The following CDKL2 variants were observed in gnomAD, a reference collection of about 807,000 sequenced individuals.
CDKL2 encodes the protein cyclin dependent kinase like 2, also known as cyclin-dependent kinase-like 2.
CDKL2 carries 64 observed loss-of-function variants against 63.9 expected under a neutral mutation model. The observed-to-expected ratio is 1.00, with a 90% CI of 0.82 to 1.23. CDKL2 has a LOEUF of 1.23. CDKL2 is among the 50% of genes most tolerant of loss of function. The pLI is 0.00. For missense variants in CDKL2, 656 were observed against 668.0 expected (o/e 0.98, Z 0.20); for synonymous variants, 211 against 229.2 (o/e 0.92, Z 0.72).
intron 12 of CDKL2, among the ~76,000 whole-genome samples, chr4:75,586,256 T>G (rs1728477651): frequency 6.6e-6 from 1 of 151,164 alleles, no homozygotes. Flanking sequence ...GATGGAGTCT[T>G]GATCTGTCAC....
chr4:75,612,613 G>A (rs1222167999), intron 3 of CDKL2, among the ~76,000 whole-genome samples: 3 of 152,208 alleles, frequency 2.0e-5, no homozygotes, highest in Non-Finnish European at 4.4e-5. Context: ...GGATGAATCA[G>A]TATCTTTTAA....
chr4:75,594,903 T>A (rs1214561114), intron 10 of CDKL2, among the ~76,000 whole-genome samples: 1 of 152,144 alleles, frequency 6.6e-6, no homozygotes. Context: ...CAGGCACTTA[T>A]AGACCCTATA....
chr4:75,607,262 C>CA lies in CDKL2; in HGVS notation c.462dup (p.Gly155TrpfsTer6). ...GCCACATAATCAGTATAAACCTCCC[C>CA]AGGAGCTGCCAATGTTCGCGCAAAT... On this transcript the variant is annotated frameshift_variant, in exon 4 of 14. Coordinates refer to ENST00000307465, the MANE Select transcript of CDKL2 (RefSeq NM_001330724.2). LOFTEE classifies it high-confidence loss of function. 6.2e-7 allele frequency: 1 copy of CA among 1,614,116 alleles called. No individual in the cohort carries two copies. The highest frequency in any genetic ancestry group is 8.5e-7 in the Non-Finnish European group (1 of 1,179,980).
intron 10 of CDKL2, among the ~76,000 whole-genome samples, chr4:75,595,887 C>T (rs974311243): frequency 2.0e-5 from 3 of 150,016 alleles, no homozygotes; most frequent in African/African-American, 7.4e-5. Context: ...CAAGATCTCA[C>T]CACTGCACTG....
At chr4:75,618,936 C>T (rs1243640027) in intron 2 of CDKL2, among the ~76,000 whole-genome samples, 2 of 152,212 alleles carry the variant, frequency 1.3e-5, no homozygotes, top group African/African-American at 4.8e-5. Flanking sequence ...CATGGATTCA[C>T]ATACTGGACT....
intron 3 of CDKL2, among the ~76,000 whole-genome samples, chr4:75,613,079 C>G (rs924356659): frequency 6.6e-6 from 1 of 151,090 alleles, no homozygotes; most frequent in Non-Finnish European, 1.5e-5. Flanking sequence ...GAGCCGAGAT[C>G]GCGCCACTGC....
chr4:75,591,762 C>T, intron 12 of CDKL2, 57 bp downstream of exon 12: 1 of 1,108,508 alleles, frequency 9.0e-7, no homozygotes, highest in Non-Finnish European at 1.3e-6. Flanking sequence ...AAATACTTTA[C>T]TAGTAAGTAA....
intron 5 of CDKL2, among the ~76,000 whole-genome samples, chr4:75,605,117 G>A (rs1434254273): frequency 6.6e-6 from 1 of 152,232 alleles, no homozygotes; most frequent in Non-Finnish European, 1.5e-5. Context: ...ACTTTGGGAG[G>A]CCAAGGTGGG....
chr4:75,617,925 T>C (rs1729995942), intron 2 of CDKL2, among the ~76,000 whole-genome samples: 1 of 151,830 alleles, frequency 6.6e-6, no homozygotes, highest in Non-Finnish European at 1.5e-5. Flanking sequence ...AAATGGTGAA[T>C]CCCTGTCTCT....
At chr4:75,589,856 C>T (rs904691732) in intron 12 of CDKL2, among the ~76,000 whole-genome samples, 3 of 152,022 alleles carry the variant, frequency 2.0e-5, no homozygotes, top group Non-Finnish European at 4.4e-5. Context: ...GTAGCCTGCA[C>T]CTGTAGTCCC....
chr4:75,622,151 T>TAAAAAGAA (rs1159464974), intron 2 of CDKL2, among the ~76,000 whole-genome samples: 1 of 152,004 alleles, frequency 6.6e-6, no homozygotes, highest in African/African-American at 2.4e-5. Flanking sequence ...AAATAATTTT[T>TAAAAAGAA]AAAAAGAAAA....
chr4:75,582,634 A>T (rs1256332057), intron 12 of CDKL2, among the ~76,000 whole-genome samples: 2 of 152,136 alleles, frequency 1.3e-5, no homozygotes, highest in Non-Finnish European at 2.9e-5. Context: ...AAAAAACATG[A>T]CCAACAACTC....
chr4:75,592,296 A>G, intron 10 of CDKL2, 27 bp from the exon 11 acceptor site: 1 of 1,499,682 alleles, frequency 6.7e-7, no homozygotes, highest in East Asian at 2.5e-5. Flanking sequence ...AGTCAACAAA[A>G]AAGAATTAGT....
At chr4:75,627,921 T>C (rs960016022) in intron 1 of CDKL2, among the ~76,000 whole-genome samples, 1 of 149,686 alleles carries the variant, frequency 6.7e-6, no homozygotes, top group Non-Finnish European at 1.5e-5. Flanking sequence ...CATGTTACTG[T>C]TACTATATTG....
chr4:75,611,569 A>C (rs1419968602), intron 3 of CDKL2, among the ~76,000 whole-genome samples: 1 of 151,864 alleles, frequency 6.6e-6, no homozygotes, highest in African/African-American at 2.4e-5. Context: ...AGTTAGAGTG[A>C]GATCAGTTCT....
chr4:75,626,442 G>T (rs1010589671), intron 1 of CDKL2, among the ~76,000 whole-genome samples: 1 of 151,956 alleles, frequency 6.6e-6, no homozygotes, highest in Non-Finnish European at 1.5e-5. Context: ...CAAGGTGGGC[G>T]GATCACAAGG....
Position 75,625,855 on chromosome 4 carries a change from T to G in CDKL2, c.134A>C (p.Lys45Thr). 1 of 1,613,102 alleles carries G rather than the reference T, an allele frequency of 6.2e-7. No homozygotes were observed. Among genetic ancestry groups the G allele is most frequent in the Non-Finnish European group, 8.5e-7 (1 of 1,179,790 alleles). Residue 45 changes from lysine to threonine, a missense_variant, in exon 2 of 14, where the codon AAA becomes ACA. By Grantham distance (78) the Lys-to-Thr change is moderately conservative. Coordinates refer to ENST00000307465, the MANE Select transcript of CDKL2 (RefSeq NM_001330724.2). ...FLESDDDKMV[K>T]KIAMREIKLL... ...CTTGATTTCTCGCATTGCAATCTTT[T>G]TAACCATTTTGTCATCGTCACTTTC...
chr4:75,597,343 C>T (rs927088895), intron 8 of CDKL2, 107 bp from the exon 9 acceptor site: 4 of 697,182 alleles, frequency 5.7e-6, no homozygotes, highest in Admixed American at 5.7e-5. Context: ...ATAAGTATCA[C>T]CTTTTTGAAA....
intron 8 of CDKL2, 24 bp downstream of exon 8, chr4:75,598,053 A>G: frequency 7.0e-7 from 1 of 1,419,614 alleles, no homozygotes; most frequent in Non-Finnish European, 9.5e-7. Flanking sequence ...TATTAAATCT[A>G]AAATGTGAAA....
Sources: allele counts gnomAD v4.1 joint callset (sites outside exome capture counted in the v4.1 genomes callset), GRCh38; gene constraint gnomAD v4.1.1; transcripts MANE v1.5; gene names NCBI Gene and HGNC (gene_info 2026-07-23, HGNC 2026-07-21).